The following C3orf33 variants were observed in gnomAD, a reference collection of about 807,000 sequenced individuals.
The protein encoded by C3orf33 is mitochondrial inner membrane subdomain organizer 1.
Under a neutral mutation model 28.7 loss-of-function variants are expected in C3orf33, and 23 were observed. The observed-to-expected ratio is 0.80, with a 90% CI of 0.58 to 1.13. The LOEUF is 1.13. C3orf33 is among the 50% of genes most tolerant of loss of function. The pLI is 0.00. For missense variants in C3orf33, 327 were observed against 353.4 expected, an observed-to-expected ratio of 0.93 and a Z score of 0.60; for synonymous variants, 119 against 120.5, an observed-to-expected ratio of 0.99 and a Z score of 0.08.
At chr3:155,804,177 A>C (rs1292113799) in intron 1 of C3orf33, 1 of 430,622 alleles carries the variant, frequency 2.3e-6, no homozygotes. Flanking sequence ...ACTTGGTCTA[A>C]AAAAAAAGAA....
intron 2 of C3orf33, among the ~76,000 whole-genome samples, chr3:155,781,544 C>CA (rs1280950514): frequency 1.3e-5 from 2 of 151,888 alleles, no homozygotes; most frequent in African/African-American, 4.8e-5. Flanking sequence ...CCAAGGCAGG[C>CA]AGATCACAAG....
chr3:155,805,179 A>G (rs1751773165), intron 1 of C3orf33, among the ~76,000 whole-genome samples: 2 of 141,910 alleles, frequency 1.4e-5, no homozygotes, highest in Non-Finnish European at 1.5e-5. Context: ...AAAAAAAAAA[A>G]GGCAGGGCAC....
chr3:155,769,798 C>T lies in C3orf33; in HGVS notation c.323-2129G>A, dbSNP rs73873413. 5.5e-3 allele frequency among the ~76,000 whole-genome samples: 841 copies of T among 152,264 alleles called. 8 individuals carry two copies. Among genetic ancestry groups the T allele is most frequent in the African/African-American group, 0.019 (806 of 41,568 alleles). On this transcript the variant is annotated intron_variant, in intron 3 of 4. Coordinates refer to ENST00000340171, the MANE Select transcript of C3orf33 (RefSeq NM_001308229.2). ...TGAAACCTGACCTTCAAACCAAAGA[C>T]AGTTTAAAGCCCAAAAACCAAGCTG...
rs150043504 is a variant in C3orf33, at chr3:155,797,216, C to G, written c.174+5316G>C. On this transcript the variant is annotated intron_variant, in intron 2 of 4. Coordinates refer to ENST00000340171, the MANE Select transcript of C3orf33 (RefSeq NM_001308229.2). Reference sequence around the variant, plus strand: ...AAGACAAAAGCCATACAAACATGAACATTTCAATAGATGCTGAAAAAGCAT... The same window carrying G: ...AAGACAAAAGCCATACAAACATGAAGATTTCAATAGATGCTGAAAAAGCAT... Among the ~76,000 whole-genome samples, 20 of 152,230 alleles carry G rather than the reference C, an allele frequency of 1.3e-4. No homozygotes were observed. The East Asian group carries it at 3.9e-3, about 29-fold the overall frequency.
At chr3:155,765,275 TA>T (rs1210811613) in intron 4 of C3orf33, among the ~76,000 whole-genome samples, 1 of 152,222 alleles carries the variant, frequency 6.6e-6, no homozygotes, top group African/African-American at 2.4e-5. Flanking sequence ...TCAGTTTCCC[TA>T]AAAGTCCTAC....
At chr3:155,769,248 G>A (rs532599034) in intron 3 of C3orf33, among the ~76,000 whole-genome samples, 88 of 151,894 alleles carry the variant, frequency 5.8e-4, no homozygotes, top group African/African-American at 2.1e-3. Flanking sequence ...GGAGGCGGAA[G>A]TTGCGGTGAG....
At chr3:155,769,359 G>A (rs1311235183) in intron 3 of C3orf33, among the ~76,000 whole-genome samples, 13 of 148,970 alleles carry the variant, frequency 8.7e-5, no homozygotes, top group African/African-American at 7.4e-5. Context: ...ATGGTGGTGC[G>A]TGCCTGTAAT....
In C3orf33 at chr3:155,802,334, C is replaced by T. The variant is rs375091596; in HGVS notation, c.174+198G>A. On this transcript the variant is annotated intron_variant, in intron 2 of 4. Transcript: ENST00000340171. The stretch of plus-strand genomic sequence containing the variant: ...AAAGTGATTATGGAAATATAAACCA[C>T]GCAATTACTTTCTGTAAAATCCTGT... 3.9e-5 allele frequency among the ~76,000 whole-genome samples: 6 copies of T among 152,268 alleles called. No individual in the cohort carries two copies. The East Asian group carries it at 5.8e-4, about 15-fold the overall frequency.
intron 2 of C3orf33, among the ~76,000 whole-genome samples, chr3:155,777,235 G>A (rs13095901): frequency 0.58 from 87,271 of 151,466 alleles, 25,610 homozygotes; most frequent in Middle Eastern, 0.7. Context: ...AACTGCTTGA[G>A]CCTGGGAGGC....
chr3:155,781,471 TA>T (rs574504838), intron 2 of C3orf33, among the ~76,000 whole-genome samples: 111 of 152,180 alleles, frequency 7.3e-4, no homozygotes, highest in African/African-American at 2.5e-3. Flanking sequence ...CACTATTACT[TA>T]AAAATAGTGG....
chr3:155,769,762 C>G (rs1750526020), intron 3 of C3orf33, among the ~76,000 whole-genome samples: 1 of 152,144 alleles, frequency 6.6e-6, no homozygotes, highest in Non-Finnish European at 1.5e-5. Flanking sequence ...AAAATAGGGG[C>G]AGGTGCCCGG....
At chr3:155,804,925 A>C (rs775030320) in intron 1 of C3orf33, among the ~76,000 whole-genome samples, 1 of 152,182 alleles carries the variant, frequency 6.6e-6, no homozygotes, top group South Asian at 2.1e-4. Context: ...CCAAATTTGC[A>C]CATCTCCATG....
chr3:155,799,999 A>G (rs1231687636), intron 2 of C3orf33, among the ~76,000 whole-genome samples: 1 of 152,190 alleles, frequency 6.6e-6, no homozygotes, highest in Non-Finnish European at 1.5e-5. Context: ...AAGATCTAGT[A>G]TTTGGTAGCA....
chr3:155,796,319 T>C (rs1231381608), intron 2 of C3orf33, among the ~76,000 whole-genome samples: 1 of 151,962 alleles, frequency 6.6e-6, no homozygotes, highest in Admixed American at 6.6e-5. Flanking sequence ...AAGGAGACAT[T>C]ACAACCAATA....
intron 3 of C3orf33, among the ~76,000 whole-genome samples, chr3:155,771,017 CTG>C (rs71138678): frequency 0.066 from 7,176 of 109,542 alleles, 366 homozygotes; most frequent in Non-Finnish European, 0.079. Context: ...TGCTCTGCCA[CTG>C]TGTGTGTGTG....
chr3:155,763,336 AATTT>A lies in C3orf33; in HGVS notation c.*177_*180del, dbSNP rs2109246178. On this transcript the variant is annotated 3_prime_UTR_variant, in exon 5 of 5. Transcript: ENST00000340171. ...CCTAAAATCATATTACATTAATTATAATTTGTTTAAATTAATTCTGACATTATGC... is the reference window on the plus strand; with the variant it reads ...CCTAAAATCATATTACATTAATTATAGTTTAAATTAATTCTGACATTATGC... 2.3e-6 allele frequency: 1 copy of A among 427,354 alleles called. No individual in the cohort carries two copies. The highest frequency in any genetic ancestry group is 2.0e-5 in the African/African-American group (1 of 48,850). The allele number at this position is 427,354 out of a possible 1,614,324, so 26.5% of individuals were successfully genotyped here.
intron 2 of C3orf33, among the ~76,000 whole-genome samples, chr3:155,791,459 G>T (rs1045777154): frequency 6.6e-6 from 1 of 152,118 alleles, no homozygotes; most frequent in African/African-American, 2.4e-5. Context: ...GAAGACTAAG[G>T]GGACATTGTT....
At chr3:155,792,027 C>T (rs1017888618) in intron 2 of C3orf33, among the ~76,000 whole-genome samples, 5 of 152,010 alleles carry the variant, frequency 3.3e-5, no homozygotes, top group African/African-American at 7.2e-5. Context: ...CTGGGAGAGA[C>T]GCAGTGCTGT....
At chr3:155,783,927 G>C (rs1751021103) in intron 2 of C3orf33, among the ~76,000 whole-genome samples, 1 of 150,646 alleles carries the variant, frequency 6.6e-6, no homozygotes. Context: ...GTTTTGTTTG[G>C]GGTTTTTTTT....
Sources: gnomAD v4.1 joint callset for allele counts (sites outside exome capture counted in the v4.1 genomes callset) on GRCh38, gnomAD v4.1.1 for gene constraint, MANE v1.5 for transcripts, NCBI Gene and HGNC (gene_info 2026-07-23, HGNC 2026-07-21) for gene names.